The following MAGI2 variants were observed in gnomAD, a reference collection of about 807,000 sequenced individuals.
MAGI2 encodes membrane-associated guanylate kinase, WW and PDZ domain-containing protein 2.
MAGI2 carries 35 observed loss-of-function variants against 133.3 expected under a neutral mutation model. The ratio of observed to expected loss-of-function variants is 0.26; its 90% CI spans 0.20 to 0.35. The LOEUF (loss-of-function observed/expected upper bound fraction) is 0.35. Among genes scored for constraint, MAGI2 ranks in the 10% least tolerant of loss-of-function variants. The pLI, the probability that MAGI2 is intolerant of heterozygous loss-of-function variation, is 1.00. For missense variants in MAGI2, 1,636 were observed against 1,863.4 expected (o/e 0.88, Z 2.25); for synonymous variants, 729 against 710.6 (o/e 1.03, Z -0.41).
At chr7:78,779,938 C>G (rs955431616) in intron 2 of MAGI2, among the ~76,000 whole-genome samples, 16 of 152,222 alleles carry the variant, frequency 1.1e-4, no homozygotes, top group Admixed American at 2.6e-4. Flanking sequence ...GGGATTAACA[C>G]CTTTCAATAC....
chr7:78,256,530 G>T lies in MAGI2; in HGVS notation c.1460C>A (p.Ala487Glu), dbSNP rs772176495. ...AGACTGGAAAAGTTTGACAACATCTGCATGAGTGTGTCCAAGGACACAAAC... is the reference window on the plus strand; with the variant it reads ...AGACTGGAAAAGTTTGACAACATCTTCATGAGTGTGTCCAAGGACACAAAC... The part of the protein sequence containing the change: ...NEVCVLGHTH[A>E]DVVKLFQSVP... The change falls in exon 10 of 22, where the codon GCA (alanine) becomes GAA (glutamate). Residue 487 changes from alanine to glutamate, a missense_variant. Around this residue, in one of 5 missense-constraint regions of MAGI2, gnomAD observed 920 missense variants for 1,093.5 expected, o/e 0.84. Coordinates refer to ENST00000354212, the MANE Select transcript of MAGI2 (RefSeq NM_012301.4). 6.2e-7 allele frequency: 1 copy of T among 1,613,748 alleles called. No individual in the cohort carries two copies. The highest frequency in any genetic ancestry group is 8.5e-7 in the Non-Finnish European group (1 of 1,179,838).
At chr7:78,982,245 A>C (rs1012672709) in intron 2 of MAGI2, among the ~76,000 whole-genome samples, 1 of 151,930 alleles carries the variant, frequency 6.6e-6, no homozygotes, top group Non-Finnish European at 1.5e-5. Context: ...TTTAACTAGC[A>C]ATTAAAAAAT....
chr7:78,835,200 C>T (rs916602815), intron 2 of MAGI2, among the ~76,000 whole-genome samples: 13 of 152,288 alleles, frequency 8.5e-5, no homozygotes, highest in East Asian at 1.9e-4. Context: ...CCACCAGCAA[C>T]GTACAAAGTT....
chr7:78,955,942 T>C (rs1430374894), intron 2 of MAGI2, among the ~76,000 whole-genome samples: 3 of 150,668 alleles, frequency 2.0e-5, no homozygotes, highest in African/African-American at 4.9e-5. Context: ...CAAAGATGCC[T>C]TTTTTTTTGT....
At chr7:78,243,014 G>A (rs938167103) in intron 10 of MAGI2, among the ~76,000 whole-genome samples, 1 of 152,130 alleles carries the variant, frequency 6.6e-6, no homozygotes, top group Admixed American at 6.6e-5. Flanking sequence ...CAAGGCAGCA[G>A]TGAACTGTGA....
At chr7:79,333,913 T>C (rs1449374949) in intron 1 of MAGI2, among the ~76,000 whole-genome samples, 2 of 152,236 alleles carry the variant, frequency 1.3e-5, no homozygotes, top group Non-Finnish European at 2.9e-5. Flanking sequence ...AAAAAATACT[T>C]TTCTAATATC....
At chr7:78,965,568 A>T (rs1344737688) in intron 2 of MAGI2, among the ~76,000 whole-genome samples, 2 of 151,888 alleles carry the variant, frequency 1.3e-5, no homozygotes, top group Non-Finnish European at 2.9e-5. Flanking sequence ...ATTTTTACTT[A>T]GCTGTTCTCC....
Position 79,016,002 on chromosome 7 carries a change from G to GT in MAGI2, c.302-8797_302-8796insA, listed in dbSNP as rs373862837. Among the ~76,000 whole-genome samples, 16 of 111,516 alleles carry GT rather than the reference G, an allele frequency of 1.4e-4. 1 individual carries two copies. The highest frequency in any genetic ancestry group is 5.2e-4 in the African/African-American group (15 of 28,672). 73.2% of individuals were successfully genotyped at this position (111,516 alleles called of 152,430 possible). Reference sequence around the variant, plus strand: ...CCTCAATGACTCCTGGAGAAGCGGGGGGGGGGGGTGGGGGTTGAGCAGGCA... The same window carrying GT: ...CCTCAATGACTCCTGGAGAAGCGGGGTGGGGGGGGTGGGGGTTGAGCAGGCA... On this transcript the variant is annotated intron_variant, in intron 1 of 21. Transcript: ENST00000354212.
chr7:79,365,949 G>GAA (rs113246725), intron 1 of MAGI2, among the ~76,000 whole-genome samples: 2 of 139,804 alleles, frequency 1.4e-5, no homozygotes, highest in African/African-American at 2.6e-5. Flanking sequence ...TAGGTTGAGT[G>GAA]AAAAAAAAAA....
intron 21 of MAGI2, among the ~76,000 whole-genome samples, chr7:78,020,871 G>C (rs945450592): frequency 6.6e-6 from 1 of 152,024 alleles, no homozygotes; most frequent in African/African-American, 2.4e-5. Context: ...AGTCCGGATG[G>C]AACTTAATTC....
chr7:78,195,122 T>C, intron 11 of MAGI2, 59 bp from the exon 12 acceptor site: 4 of 1,443,116 alleles, frequency 2.8e-6, no homozygotes, highest in Non-Finnish European at 1.9e-6. Flanking sequence ...CTATTTCTCT[T>C]GTCACCTTTA....
intron 1 of MAGI2, among the ~76,000 whole-genome samples, chr7:79,217,503 G>A (rs1183566481): frequency 1.3e-5 from 2 of 151,830 alleles, no homozygotes; most frequent in Non-Finnish European, 2.9e-5. Flanking sequence ...CTATATAGAA[G>A]GTATTTATAA....
intron 1 of MAGI2, among the ~76,000 whole-genome samples, chr7:79,130,763 T>A (rs1322360379): frequency 6.6e-6 from 1 of 152,186 alleles, no homozygotes; most frequent in Admixed American, 6.5e-5. Flanking sequence ...CTAGAGACTG[T>A]ACTAAGTGCT....
At chr7:78,748,787 ATTAAGT>A (rs752642866) in intron 2 of MAGI2, among the ~76,000 whole-genome samples, 6 of 152,200 alleles carry the variant, frequency 3.9e-5, no homozygotes, top group Non-Finnish European at 8.8e-5. Context: ...TTTTCACTCC[ATTAAGT>A]TTAAGACATA....
intron 2 of MAGI2, among the ~76,000 whole-genome samples, chr7:78,647,618 C>G (rs974336273): frequency 1.3e-5 from 2 of 152,096 alleles, no homozygotes; most frequent in East Asian, 3.9e-4. Flanking sequence ...CTAGAAATAC[C>G]ATTTGACCCA....
chr7:78,749,477 G>C lies in MAGI2; in HGVS notation c.419-122238C>G, dbSNP rs141206299. On this transcript the variant is annotated intron_variant, in intron 2 of 21. Transcript: ENST00000354212. ...AAAGGAAATCTAGGAAAGGGAGATG[G>C]GGAATGTGGTTTCCATTAGAAATAA... is the stretch of plus-strand genomic sequence containing the variant. Among the ~76,000 whole-genome samples, 379 of 152,224 alleles carry C rather than the reference G, an allele frequency of 2.5e-3. 14 individuals are homozygous for C. The South Asian group carries it at 0.048, about 19-fold the overall frequency.
chr7:78,217,333 G>T (rs921137985), intron 10 of MAGI2, among the ~76,000 whole-genome samples: 1 of 152,158 alleles, frequency 6.6e-6, no homozygotes, highest in Non-Finnish European at 1.5e-5. Context: ...TTTCCTGAGG[G>T]CAGGGATCTT....
intron 2 of MAGI2, among the ~76,000 whole-genome samples, chr7:78,993,744 C>T (rs879547947): frequency 4.6e-5 from 7 of 151,900 alleles, no homozygotes; most frequent in Non-Finnish European, 1.0e-4. Flanking sequence ...TCTTAAAACA[C>T]CTTGCATGGT....
intron 1 of MAGI2, among the ~76,000 whole-genome samples, chr7:79,368,619 C>T (rs848911): frequency 0.14 from 21,628 of 151,596 alleles, 1,708 homozygotes; most frequent in Middle Eastern, 0.18. Flanking sequence ...GAGGCCGAGG[C>T]GGGCGGATCA....
Sources: gnomAD v4.1 joint callset for allele counts (sites outside exome capture counted in the v4.1 genomes callset) on GRCh38, gnomAD v4.1.1 for gene constraint, gnomAD v4.1.1 regional missense constraint, MANE v1.5 for transcripts, NCBI Gene and HGNC (gene_info 2026-07-23, HGNC 2026-07-21) for gene names.